CNTNAP4: variants seen among roughly 807,000 people sequenced by gnomAD.
The protein encoded by CNTNAP4 is contactin associated protein family member 4.
In CNTNAP4, 98 loss-of-function variants were observed where a neutral mutation model predicts 148.4. The ratio of observed to expected loss-of-function variants is 0.66; its 90% CI spans 0.56 to 0.78. CNTNAP4 has a LOEUF of 0.78. Ranked by LOEUF, CNTNAP4 falls within the 30% of genes least tolerant of loss-of-function variation. The probability of loss-of-function intolerance (pLI) is 0.00; values close to 1 mark genes in which losing one functional copy is unlikely to be tolerated. For synonymous variants in CNTNAP4, 730 were observed against 565.1 expected, an observed-to-expected ratio of 1.29 and a Z score of -4.14; for missense variants, 1,935 against 1,565.6, an observed-to-expected ratio of 1.24 and a Z score of -3.98.
intron 20 of CNTNAP4, among the ~76,000 whole-genome samples, 153 bp downstream of exon 20, chr16:76,540,005 T>C (rs909353081): frequency 1.3e-5 from 2 of 152,150 alleles, no homozygotes; most frequent in Admixed American, 1.3e-4. Context: ...CAGGATTCTT[T>C]TAAGCAATAA....
intron 3 of CNTNAP4, among the ~76,000 whole-genome samples, chr16:76,362,799 A>G (rs377119350): frequency 6.6e-6 from 1 of 152,244 alleles, no homozygotes; most frequent in Admixed American, 6.5e-5. Flanking sequence ...CCTGTGAGGT[A>G]CTATGCTTAT....
At chr16:76,497,297 A>C (rs780678798) in intron 14 of CNTNAP4, among the ~76,000 whole-genome samples, 3 of 152,234 alleles carry the variant, frequency 2.0e-5, no homozygotes, top group Non-Finnish European at 4.4e-5. Flanking sequence ...ATGTCTTAGC[A>C]AGCTTCTGAC....
intron 1 of CNTNAP4, among the ~76,000 whole-genome samples, chr16:76,297,870 GATAAACC>G (rs1413786261): frequency 1.3e-5 from 2 of 152,132 alleles, no homozygotes; most frequent in Non-Finnish European, 2.9e-5. Flanking sequence ...AAGAAGACCT[GATAAACC>G]AGATACTAAA....
intron 14 of CNTNAP4, among the ~76,000 whole-genome samples, chr16:76,496,813 A>T (rs918042934): frequency 6.6e-6 from 1 of 152,210 alleles, no homozygotes; most frequent in Non-Finnish European, 1.5e-5. Flanking sequence ...TTTTCATCTA[A>T]AGTCAAGAAA....
intron 15 of CNTNAP4, among the ~76,000 whole-genome samples, chr16:76,513,801 A>G (rs1307844219): frequency 2.0e-5 from 3 of 152,192 alleles, no homozygotes; most frequent in African/African-American, 7.2e-5. Context: ...AGTAATCTGA[A>G]TATCAAGTGA....
intron 10 of CNTNAP4, among the ~76,000 whole-genome samples, chr16:76,473,776 A>G (rs1373145439): frequency 6.6e-6 from 1 of 152,096 alleles, no homozygotes; most frequent in African/African-American, 2.4e-5. Flanking sequence ...TCCATCCCAA[A>G]CAAATAAAAA....
At chr16:76,439,699 A>C (rs751593768) in intron 4 of CNTNAP4, among the ~76,000 whole-genome samples, 2 of 152,160 alleles carry the variant, frequency 1.3e-5, no homozygotes, top group African/African-American at 4.8e-5. Flanking sequence ...AACTTGGTCT[A>C]TTTAAAAAGA....
chr16:76,306,306 G>A (rs1019540330), intron 1 of CNTNAP4, among the ~76,000 whole-genome samples: 3 of 152,086 alleles, frequency 2.0e-5, no homozygotes, highest in Non-Finnish European at 4.4e-5. Flanking sequence ...CAGTTAGTTG[G>A]TTTTGATATT....
intron 4 of CNTNAP4, among the ~76,000 whole-genome samples, chr16:76,447,678 C>T (rs1184707099): frequency 1.3e-5 from 2 of 152,168 alleles, no homozygotes; most frequent in African/African-American, 4.8e-5. Context: ...CAATAAATTA[C>T]ATGAGATATT....
chr16:76,403,591 G>C (rs1430985057), intron 3 of CNTNAP4, among the ~76,000 whole-genome samples: 2 of 152,160 alleles, frequency 1.3e-5, no homozygotes, highest in Admixed American at 6.5e-5. Flanking sequence ...CTTATACACT[G>C]TTGGTAGGAG....
rs148613311 is a variant in CNTNAP4, at chr16:76,323,738, C to T, written c.196+7215C>T. Among the ~76,000 whole-genome samples the T allele has an allele frequency of 5.3e-3, 805 of 152,268 alleles. 7 individuals carry two copies. The highest frequency in any genetic ancestry group is 0.018 in the African/African-American group (763 of 41,552). Reference sequence around the variant, plus strand: ...CCCTGCCAGCGTCTTGGTGCGTTTTCCATCTTACCCTTTATCGTCCTTGTC... The same window carrying T: ...CCCTGCCAGCGTCTTGGTGCGTTTTTCATCTTACCCTTTATCGTCCTTGTC... On this transcript the variant is annotated intron_variant, in intron 2 of 23. Transcript: ENST00000611870.
chr16:76,291,078 C>A (rs1959095882), intron 1 of CNTNAP4, among the ~76,000 whole-genome samples: 1 of 152,116 alleles, frequency 6.6e-6, no homozygotes, highest in Non-Finnish European at 1.5e-5. Context: ...CCTGTTATGG[C>A]CCTCTCTCTG....
intron 2 of CNTNAP4, among the ~76,000 whole-genome samples, chr16:76,323,657 A>G (rs1962666055): frequency 6.6e-6 from 1 of 152,000 alleles, no homozygotes; most frequent in Non-Finnish European, 1.5e-5. Context: ...TTGGCTTTCG[A>G]TATTGCCCTC....
chr16:76,548,469 G>T (rs1264425191), intron 21 of CNTNAP4, among the ~76,000 whole-genome samples: 3 of 151,070 alleles, frequency 2.0e-5, no homozygotes, highest in Non-Finnish European at 4.4e-5. Flanking sequence ...CCTTGTAATT[G>T]TTCTTACATG....
At chr16:76,459,337 A>C (rs112640112) in intron 8 of CNTNAP4, among the ~76,000 whole-genome samples, 2,898 of 152,278 alleles carry the variant, frequency 0.019, 94 homozygotes, top group African/African-American at 0.066. Context: ...TTCAGAGTCC[A>C]CTCTTAGAAA....
At chr16:76,320,869 C>A (rs1021822613) in intron 2 of CNTNAP4, among the ~76,000 whole-genome samples, 2 of 152,030 alleles carry the variant, frequency 1.3e-5, no homozygotes, top group Non-Finnish European at 2.9e-5. Context: ...AAAAATAATA[C>A]AATAGTAAAT....
intron 1 of CNTNAP4, among the ~76,000 whole-genome samples, chr16:76,292,592 G>A (rs963093477): frequency 2.6e-5 from 4 of 152,150 alleles, no homozygotes; most frequent in Non-Finnish European, 5.9e-5. Flanking sequence ...CTTCTCCAGA[G>A]GCATGATTTA....
At chr16:76,420,568 A>G (rs1401345167) in intron 3 of CNTNAP4, among the ~76,000 whole-genome samples, 1 of 151,908 alleles carries the variant, frequency 6.6e-6, no homozygotes, top group Non-Finnish European at 1.5e-5. Context: ...GATCCTCTAA[A>G]TTCTTACAAA....
intron 1 of CNTNAP4, among the ~76,000 whole-genome samples, chr16:76,297,471 G>A (rs546081879): frequency 1.3e-5 from 2 of 152,196 alleles, no homozygotes; most frequent in African/African-American, 2.4e-5. Flanking sequence ...TTTTTCAAAT[G>A]TGCATGCTCC....
Sources: gnomAD v4.1 joint callset for allele counts (sites outside exome capture counted in the v4.1 genomes callset) on GRCh38, gnomAD v4.1.1 for gene constraint, MANE v1.5 for transcripts, NCBI Gene and HGNC (gene_info 2026-07-23, HGNC 2026-07-21) for gene names.